Variants in SYT1 observed in about 807,000 individuals in gnomAD.
SYT1 encodes synaptotagmin-1.
SYT1 carries 8 observed loss-of-function variants against 44.8 expected under a neutral mutation model. That is an observed-to-expected ratio of 0.18 (90% confidence interval 0.10 to 0.32). The LOEUF (loss-of-function observed/expected upper bound fraction) is 0.32. Among genes scored for constraint, SYT1 ranks in the 10% least tolerant of loss-of-function variants. The pLI is 1.00. For synonymous variants in SYT1, 154 were observed against 188.8 expected (o/e 0.82, Z 1.51); for missense variants, 286 against 509.3 (o/e 0.56, Z 4.22).
chr12:78,983,737 T>A (rs1011689907), intron 2 of SYT1, among the ~76,000 whole-genome samples: 1 of 151,978 alleles, frequency 6.6e-6, no homozygotes, highest in African/African-American at 2.4e-5. Flanking sequence ...AAAAGGATAA[T>A]CTTAAGGGAA....
chr12:78,954,352 G>A (rs998471005), intron 1 of SYT1, among the ~76,000 whole-genome samples: 1 of 151,914 alleles, frequency 6.6e-6, no homozygotes, highest in Non-Finnish European at 1.5e-5. Context: ...TCTGACTTGA[G>A]GAGCAGGTAT....
chr12:79,092,900 A>G (rs1463201669), intron 3 of SYT1, among the ~76,000 whole-genome samples: 2 of 151,784 alleles, frequency 1.3e-5, no homozygotes, highest in Non-Finnish European at 2.9e-5. Context: ...AGTCATTGAC[A>G]AGGAAATGTG....
At chr12:79,439,108 G>A (rs1399525918) in intron 9 of SYT1, among the ~76,000 whole-genome samples, 1 of 152,132 alleles carries the variant, frequency 6.6e-6, no homozygotes, top group Admixed American at 6.5e-5. Flanking sequence ...AGCAGAATAA[G>A]GAAAGTAGAT....
intron 2 of SYT1, among the ~76,000 whole-genome samples, chr12:79,034,266 C>T (rs1872989830): frequency 1.3e-5 from 2 of 151,430 alleles, no homozygotes; most frequent in Admixed American, 1.3e-4. Flanking sequence ...TCTAAGATAC[C>T]TCAATAAATT....
At chr12:79,286,557 A>G (rs548653791) in intron 5 of SYT1, among the ~76,000 whole-genome samples, 1 of 152,156 alleles carries the variant, frequency 6.6e-6, no homozygotes, top group Non-Finnish European at 1.5e-5. Context: ...TTTCTTTCTT[A>G]TTTCTTATAA....
chr12:79,358,995 C>G (rs1883219824), intron 9 of SYT1, among the ~76,000 whole-genome samples: 1 of 152,146 alleles, frequency 6.6e-6, no homozygotes, highest in Non-Finnish European at 1.5e-5. Flanking sequence ...CTCTTCTTGC[C>G]TGGCCCAATA....
Position 78,929,446 on chromosome 12 carries a change from A to AAAAAAAAAG in SYT1, c.-216-48353_-216-48352insAAAAAAAAG, listed in dbSNP as rs373264605. On this transcript the variant is annotated intron_variant, in intron 1 of 10. Transcript: ENST00000261205. ...AAAAAAAAAAAAAAAAAAAAAAAAA[A>AAAAAAAAAG]GGTTATTAGCAGCAATTAGTTTTAT... 8.2e-4 allele frequency among the ~76,000 whole-genome samples: 106 copies of AAAAAAAAAG among 128,580 alleles called. 12 individuals carry two copies. The highest frequency in any genetic ancestry group is 3.9e-3 in the African/African-American group (100 of 25,896). The allele number at this position is 128,580 out of a possible 152,430, so 84.4% of individuals were successfully genotyped here. A position where few individuals can be genotyped will look rare whatever the true frequency, so the allele number is the denominator to read the frequency against.
At chr12:79,356,904 A>G (rs1363084570) in intron 9 of SYT1, among the ~76,000 whole-genome samples, 2 of 152,208 alleles carry the variant, frequency 1.3e-5, no homozygotes, top group African/African-American at 4.8e-5. Context: ...TAAATATGCA[A>G]CATGGGAAAG....
chr12:79,106,988 G>T (rs538466832), intron 3 of SYT1, among the ~76,000 whole-genome samples: 2 of 151,510 alleles, frequency 1.3e-5, no homozygotes, highest in Admixed American at 6.6e-5. Flanking sequence ...ACCAGAATTC[G>T]GGTTCATAGA....
At position 79,448,929 on chromosome 12, in the gene SYT1, G is replaced by T. The variant is rs12812916; in HGVS notation, c.1074G>T (p.Val358=). The T allele has an allele frequency of 0.059, 95,978 of 1,613,910 alleles. 3,324 individuals carry two copies. Among genetic ancestry groups the T allele is most frequent in the Non-Finnish European group, 0.07 (82,682 of 1,179,830 alleles). Residue 358 remains valine, a synonymous_variant, in exon 11 of 11, where the codon GTG becomes GTT. Transcript: ENST00000261205. The part of the protein sequence containing the change: ...VPFEQIQKVQ[V]VVTVLDYDKI... The stretch of plus-strand genomic sequence containing the variant: ...ATGGCTTCTTTCAGAAAGTGCAGGT[G>T]GTGGTAACTGTTTTGGACTATGACA...
intron 3 of SYT1, among the ~76,000 whole-genome samples, chr12:79,176,271 A>G (rs1185072239): frequency 2.1e-5 from 3 of 146,044 alleles, no homozygotes; most frequent in African/African-American, 7.8e-5. Flanking sequence ...CCTGGGCAAC[A>G]AGAGCGAAAT....
intron 3 of SYT1, among the ~76,000 whole-genome samples, chr12:79,068,764 A>T (rs1217178774): frequency 1.3e-5 from 2 of 152,176 alleles, no homozygotes; most frequent in African/African-American, 4.8e-5. Context: ...CTGTAATCCC[A>T]GCACTTTGGG....
chr12:79,058,161 AC>A (rs1875106298), intron 3 of SYT1, among the ~76,000 whole-genome samples: 1 of 152,024 alleles, frequency 6.6e-6, no homozygotes, highest in Admixed American at 6.6e-5. Context: ...GCAGTCCCCA[AC>A]TTATGAATGA....
chr12:79,121,400 T>A (rs1303816851), intron 3 of SYT1, among the ~76,000 whole-genome samples: 1 of 152,214 alleles, frequency 6.6e-6, no homozygotes, highest in Non-Finnish European at 1.5e-5. Context: ...TCCTCTAACA[T>A]CTTATGAATA....
intron 1 of SYT1, among the ~76,000 whole-genome samples, chr12:78,945,053 A>G (rs368823804): frequency 6.6e-6 from 1 of 152,138 alleles, no homozygotes; most frequent in Non-Finnish European, 1.5e-5. Context: ...GAGAATGACA[A>G]CTTCAATCAC....
At chr12:79,130,335 C>T (rs1565819582) in intron 3 of SYT1, among the ~76,000 whole-genome samples, 1 of 152,098 alleles carries the variant, frequency 6.6e-6, no homozygotes, top group Admixed American at 6.5e-5. Flanking sequence ...CACAGTTAAT[C>T]GAGGAATAAT....
At chr12:79,108,961 G>A (rs887235771) in intron 3 of SYT1, among the ~76,000 whole-genome samples, 1 of 152,116 alleles carries the variant, frequency 6.6e-6, no homozygotes, top group African/African-American at 2.4e-5. Flanking sequence ...CTTTTCCTTA[G>A]TTCAGCTAAA....
At chr12:79,159,837 A>T (rs1304258033) in intron 3 of SYT1, among the ~76,000 whole-genome samples, 5 of 152,268 alleles carry the variant, frequency 3.3e-5, no homozygotes, top group Admixed American at 3.3e-4. Flanking sequence ...CTGTTATTAG[A>T]TACATTCCAA....
intron 8 of SYT1, among the ~76,000 whole-genome samples, chr12:79,309,724 A>T (rs1234770919): frequency 6.6e-6 from 1 of 152,258 alleles, no homozygotes; most frequent in Non-Finnish European, 1.5e-5. Context: ...AACTTAAATT[A>T]TAAAGCTAGT....
Sources: allele counts gnomAD v4.1 joint callset (sites outside exome capture counted in the v4.1 genomes callset), GRCh38; gene constraint gnomAD v4.1.1; transcripts MANE v1.5; gene names NCBI Gene and HGNC (gene_info 2026-07-23, HGNC 2026-07-21).